The following TRPM3 variants were observed in gnomAD, a reference collection of about 807,000 sequenced individuals.
The protein encoded by TRPM3 is transient receptor potential cation channel subfamily M member 3.
A neutral mutation model predicts 181.2 loss-of-function variants in TRPM3; 77 were observed. That is an observed-to-expected ratio of 0.42 (90% CI 0.35 to 0.51). The LOEUF is 0.51. Among genes scored for constraint, TRPM3 ranks in the 20% least tolerant of loss-of-function variants. TRPM3 has a pLI of 0.01. For missense variants in TRPM3, 1,759 were observed against 2,196.7 expected (o/e 0.80, Z 3.98); for synonymous variants, 745 against 796.4 (o/e 0.94, Z 1.09).
chr9:70,661,912 G>GAA (rs2061187735), intron 9 of TRPM3, among the ~76,000 whole-genome samples: 1 of 151,972 alleles, frequency 6.6e-6, no homozygotes, highest in Non-Finnish European at 1.5e-5. Flanking sequence ...CACAGAACTA[G>GAA]AAAAAACAAT....
At chr9:71,158,730 C>A (rs187774877) in intron 1 of TRPM3, among the ~76,000 whole-genome samples, 3 of 152,212 alleles carry the variant, frequency 2.0e-5, no homozygotes, top group African/African-American at 7.2e-5. Context: ...AAAATTATTT[C>A]TGGTCCTGTC....
chr9:71,292,933 A>C (rs1313211226), intron 1 of TRPM3, among the ~76,000 whole-genome samples: 2 of 151,962 alleles, frequency 1.3e-5, no homozygotes, highest in Non-Finnish European at 2.9e-5. Flanking sequence ...GCAATGCCCA[A>C]AAAAGCAAAT....
At chr9:70,698,145 TTGCAGTGA>T (rs2071189218) in intron 8 of TRPM3, among the ~76,000 whole-genome samples, 1 of 151,396 alleles carries the variant, frequency 6.6e-6, no homozygotes, top group African/African-American at 2.4e-5. Flanking sequence ...GAGACGGAGG[TTGCAGTGA>T]GCTGAGATCG....
intron 1 of TRPM3, among the ~76,000 whole-genome samples, chr9:71,096,134 A>C (rs1250357991): frequency 6.6e-6 from 1 of 152,038 alleles, no homozygotes; most frequent in East Asian, 1.9e-4. Flanking sequence ...TAATGTTTCA[A>C]AACTAAGTTC....
chr9:70,698,212 A>AG (rs2071226112), intron 8 of TRPM3, among the ~76,000 whole-genome samples: 1 of 151,066 alleles, frequency 6.6e-6, no homozygotes, highest in Non-Finnish European at 1.5e-5. Context: ...TGTCTCAAAA[A>AG]AAAAAAAAAA....
In TRPM3 at chr9:70,695,904, G is replaced by A. The variant is rs2070245412; in HGVS notation, c.1273-14326C>T. 2.0e-5 allele frequency among the ~76,000 whole-genome samples: 3 copies of A among 152,290 alleles called. No homozygotes were observed. The South Asian group carries it at 6.2e-4, about 32-fold the overall frequency. On this transcript the variant is annotated intron_variant, in intron 8 of 25. Transcript: ENST00000677713. ...CGAGCCCAGACAGCCTGGCTTGAAG[G>A]CCCATTCTCCTACTGCTTATCTGCA...
At chr9:71,177,752 T>C (rs990879667) in intron 1 of TRPM3, among the ~76,000 whole-genome samples, 3 of 152,124 alleles carry the variant, frequency 2.0e-5, no homozygotes, top group African/African-American at 7.2e-5. Context: ...TTTTTAGCTC[T>C]TGTTTTCCCT....
intron 1 of TRPM3, among the ~76,000 whole-genome samples, chr9:71,070,953 T>C (rs2062684865): frequency 6.6e-6 from 1 of 152,176 alleles, no homozygotes; most frequent in Admixed American, 6.5e-5. Context: ...GTTACAACCC[T>C]GTATTAGTGA....
intron 1 of TRPM3, among the ~76,000 whole-genome samples, chr9:71,029,952 AC>A (rs2057079691): frequency 6.6e-6 from 1 of 152,180 alleles, no homozygotes; most frequent in African/African-American, 2.4e-5. Flanking sequence ...AAAAGGAGCT[AC>A]TCAAGGGGTC....
chr9:71,095,966 T>C (rs2067119489), intron 1 of TRPM3, among the ~76,000 whole-genome samples: 1 of 152,070 alleles, frequency 6.6e-6, no homozygotes, highest in Admixed American at 6.6e-5. Context: ...TATGATCACA[T>C]AGGTCAATTG....
intron 1 of TRPM3, among the ~76,000 whole-genome samples, chr9:71,179,291 T>C (rs1037370253): frequency 6.6e-6 from 1 of 152,088 alleles, no homozygotes; most frequent in Non-Finnish European, 1.5e-5. Context: ...ACCAGTCGAT[T>C]ATTAAAACGG....
intron 1 of TRPM3, among the ~76,000 whole-genome samples, chr9:71,313,793 CTCTTTT>C (rs2088254276): frequency 6.6e-6 from 1 of 152,074 alleles, no homozygotes; most frequent in African/African-American, 2.4e-5. Context: ...AATACTGAAA[CTCTTTT>C]TCTTTTTCAT....
chr9:70,676,578 A>T (rs2064058730), intron 9 of TRPM3, among the ~76,000 whole-genome samples: 1 of 152,200 alleles, frequency 6.6e-6, no homozygotes, highest in South Asian at 2.1e-4. Context: ...GGTTGCTGTG[A>T]TTAAGGCAGG....
At chr9:71,138,810 A>C (rs1472670439) in intron 1 of TRPM3, among the ~76,000 whole-genome samples, 1 of 152,150 alleles carries the variant, frequency 6.6e-6, no homozygotes, top group African/African-American at 2.4e-5. Flanking sequence ...CGGTGTACTT[A>C]CAACTTACAT....
intron 1 of TRPM3, among the ~76,000 whole-genome samples, chr9:70,944,982 G>C (rs1040893662): frequency 5.9e-5 from 9 of 151,834 alleles, no homozygotes; most frequent in African/African-American, 1.2e-4. Flanking sequence ...TAAGTATAAG[G>C]CTTCAACAGA....
intron 1 of TRPM3, among the ~76,000 whole-genome samples, chr9:71,108,312 G>A (rs1244292009): frequency 1.3e-5 from 2 of 152,174 alleles, no homozygotes; most frequent in Non-Finnish European, 2.9e-5. Flanking sequence ...GGTCTGGGTA[G>A]ATTCCAGAAC....
intron 8 of TRPM3, among the ~76,000 whole-genome samples, chr9:70,742,309 T>C (rs909132862): frequency 2.6e-5 from 4 of 152,106 alleles, no homozygotes; most frequent in African/African-American, 9.7e-5. Flanking sequence ...GAAAATTTTT[T>C]TAAAAATAGA....
At position 71,114,930 on chromosome 9, in the gene TRPM3, TG is replaced by T. The variant is rs1466068565; in HGVS notation, c.177+6247del. Among the ~76,000 whole-genome samples the T allele has an allele frequency of 3.3e-5, 5 of 152,134 alleles. 1 individual carries two copies. Among genetic ancestry groups the T allele is most frequent in the Admixed American group, 6.5e-5 (1 of 15,280 alleles). ...CACATCACGTGACTAAAAATTTTCA[TG>T]AAAAAAATACAGAGAAATGATCATA... On this transcript the variant is annotated intron_variant, in intron 1 of 25. Transcript: ENST00000677713.
intron 1 of TRPM3, among the ~76,000 whole-genome samples, chr9:70,931,562 T>C (rs1381699313): frequency 6.6e-6 from 1 of 151,238 alleles, no homozygotes; most frequent in Non-Finnish European, 1.5e-5. Flanking sequence ...TTTAAAGAAG[T>C]AAAAGTTAGA....
Sources: gnomAD v4.1 joint callset for allele counts (sites outside exome capture counted in the v4.1 genomes callset) on GRCh38, gnomAD v4.1.1 for gene constraint, MANE v1.5 for transcripts, NCBI Gene and HGNC (gene_info 2026-07-23, HGNC 2026-07-21) for gene names.